The following BORA variants were observed in gnomAD, a reference collection of about 807,000 sequenced individuals.
BORA encodes the protein BORA aurora kinase A activator.
In BORA, 26 loss-of-function variants were observed where a neutral mutation model predicts 55.8. The observed-to-expected ratio is 0.47, with a 90% CI of 0.34 to 0.65. The LOEUF is 0.65. BORA is among the 30% of genes least tolerant of loss of function. The pLI is 0.01. For missense variants in BORA, 568 were observed against 671.5 expected (o/e 0.85, Z 1.70); for synonymous variants, 201 against 216.9 (o/e 0.93, Z 0.64).
At position 72,728,835 on chromosome 13, in the gene BORA, G is replaced by T. The variant is rs76335732; in HGVS notation, c.-15-91G>T. 3,042 of 1,185,716 alleles carry T rather than the reference G, an allele frequency of 2.6e-3. 76 individuals are homozygous for T. In the African/African-American group the frequency reaches 0.044, roughly 17 times the overall value. 73.4% of individuals were successfully genotyped at this position (1,185,716 alleles called of 1,614,324 possible). A position where few individuals can be genotyped will look rare whatever the true frequency, so the allele number is the denominator to read the frequency against. ...AGTGTGAGGTTTTGAGTTGTTTTTT[G>T]TGACACATTTGTCGAGTACATTTTA... On this transcript the variant is annotated intron_variant, in intron 1 of 11. Coordinates refer to ENST00000390667, the MANE Select transcript of BORA (RefSeq NM_024808.5).
In BORA at chr13:72,746,751, A is replaced by G. The variant is rs1179672307; in HGVS notation, c.1122A>G (p.Ser374=). The G allele has an allele frequency of 4.3e-6, 7 of 1,614,036 alleles. No homozygotes were observed. The African/African-American group carries it at 5.3e-5, about 12-fold the overall frequency. The change falls in exon 10 of 12, where the codon TCA becomes TCG. Residue 374 remains serine (S), a synonymous_variant. Coordinates refer to ENST00000390667, the MANE Select transcript of BORA (RefSeq NM_024808.5). ...DKENIPSTDV[S]SPAMDAAGIH... ...AGAATATTCCTTCCACAGATGTCTC[A>G]TCACCCGCCATGGATGCTGCTGGAA... is the stretch of plus-strand genomic sequence containing the variant.
intron 3 of BORA, among the ~76,000 whole-genome samples, chr13:72,734,243 A>C (rs1263604148): frequency 6.6e-6 from 1 of 152,224 alleles, no homozygotes; most frequent in Non-Finnish European, 1.5e-5. Context: ...ATTGTAAAAA[A>C]AAATATGTCT....
chr13:72,736,747 C>T (rs1009077947), intron 4 of BORA, among the ~76,000 whole-genome samples: 5 of 152,120 alleles, frequency 3.3e-5, no homozygotes, highest in Admixed American at 6.5e-5. Flanking sequence ...ATATTGCCCT[C>T]CTAAAAGGTT....
chr13:72,728,068 C>G (rs557749749), intron 1 of BORA, 61 bp downstream of exon 1: 1 of 1,548,522 alleles, frequency 6.5e-7, no homozygotes. Flanking sequence ...GGTTTCTTTT[C>G]CCAGCTCCTG....
chr13:72,736,112 C>CT (rs2032922074), intron 4 of BORA, among the ~76,000 whole-genome samples: 1 of 149,426 alleles, frequency 6.7e-6, no homozygotes, highest in African/African-American at 2.4e-5. Context: ...CTAGTAACTG[C>CT]ACAGTTTTCA....
intron 1 of BORA, 23 bp from the exon 2 acceptor site, chr13:72,728,902 TG>T: frequency 6.5e-7 from 1 of 1,540,380 alleles, no homozygotes; most frequent in Non-Finnish European, 8.7e-7. Context: ...AATTTTAACA[TG>T]CATACTCTTG....
At chr13:72,740,200 T>G (rs1331215637) in intron 5 of BORA, among the ~76,000 whole-genome samples, 4 of 152,168 alleles carry the variant, frequency 2.6e-5, no homozygotes, top group Non-Finnish European at 1.5e-5. Context: ...TTATAAGAAT[T>G]CACTGCACTG....
intron 10 of BORA, 91 bp downstream of exon 10, chr13:72,747,202 A>C (rs977823371): frequency 7.3e-7 from 1 of 1,365,384 alleles, no homozygotes; most frequent in East Asian, 2.3e-5. Context: ...ATAATGGATT[A>C]AACATGAGGA....
chr13:72,732,271 C>T (rs2032834641), intron 3 of BORA, among the ~76,000 whole-genome samples: 1 of 152,134 alleles, frequency 6.6e-6, no homozygotes, highest in South Asian at 2.1e-4. Flanking sequence ...CTTCTCTTTG[C>T]TTGGTAACAT....
At chr13:72,738,270 T>C (rs1469646018) in intron 5 of BORA, among the ~76,000 whole-genome samples, 1 of 152,154 alleles carries the variant, frequency 6.6e-6, no homozygotes, top group Non-Finnish European at 1.5e-5. Flanking sequence ...ATGACTATTG[T>C]GAATGTCAGT....
At position 72,731,331 on chromosome 13, in the gene BORA, T is replaced by G; in HGVS notation, c.204T>G (p.Pro68=). ...TTGATCAACTAGCTGTAATAAATCC[T>G]GTAGAAATAGACCCAGAAGATATTC... The part of the protein sequence containing the change: ...WSIDQLAVIN[P]VEIDPEDIHR... Residue 68 remains proline, a synonymous_variant, in exon 3 of 12, where the codon CCT becomes CCG. Transcript: ENST00000390667. 38 of 1,612,894 alleles carry G rather than the reference T, an allele frequency of 2.4e-5. No individual in the cohort carries two copies. The highest frequency in any genetic ancestry group is 3.2e-5 in the Non-Finnish European group (38 of 1,179,370).
chr13:72,735,334 G>A (rs1358718138), intron 4 of BORA, among the ~76,000 whole-genome samples: 1 of 152,100 alleles, frequency 6.6e-6, no homozygotes, highest in Admixed American at 6.6e-5. Flanking sequence ...CCTTCAAAAT[G>A]TTGATTAGCA....
chr13:72,744,888 T>C, intron 7 of BORA, 93 bp from the exon 8 acceptor site: 3 of 1,162,600 alleles, frequency 2.6e-6, no homozygotes, highest in South Asian at 1.4e-5. Flanking sequence ...AATTCAAACA[T>C]AGTGCATGCT....
Position 72,743,618 on chromosome 13 carries a change from A to G in BORA, c.454+16A>G, listed in dbSNP as rs745963019. The G allele has an allele frequency of 6.3e-7, 1 of 1,589,628 alleles. No homozygotes were observed. The highest frequency in any genetic ancestry group is 1.1e-5 in the South Asian group (1 of 89,006). On this transcript the variant is annotated intron_variant, in intron 6 of 11. Transcript: ENST00000390667. ...AAAAGCGATGGTGAGTATGAACACA[A>G]TTTGAAAAGAAGGATGTTCCATATT...
intron 11 of BORA, 35 bp from the exon 12 acceptor site, chr13:72,755,116 A>G: frequency 2.5e-6 from 4 of 1,596,248 alleles, no homozygotes; most frequent in Non-Finnish European, 3.4e-6. Context: ...GGTCCTACTT[A>G]AACTGAAAAC....
At chr13:72,731,050 A>G (rs957848670) in intron 2 of BORA, among the ~76,000 whole-genome samples, 2 of 152,176 alleles carry the variant, frequency 1.3e-5, no homozygotes, top group Non-Finnish European at 2.9e-5. Flanking sequence ...CCTCGGTGAC[A>G]GAACGAGACT....
rs2033130176 is a variant in BORA at position 72,745,911 on chromosome 13, T to C, written c.739-33T>C. The C allele has an allele frequency of 1.9e-6, 3 of 1,575,764 alleles. 1 individual carries two copies. The highest frequency in any genetic ancestry group is 2.3e-5 in the South Asian group (2 of 86,314). The stretch of plus-strand genomic sequence containing the variant: ...GCATAAGAGTTAAGGAAGAGAACCA[T>C]ATACATTTATTTACTATTTAATTTT... On this transcript the variant is annotated intron_variant, in intron 8 of 11. Coordinates refer to ENST00000390667, the MANE Select transcript of BORA (RefSeq NM_024808.5).
intron 6 of BORA, 75 bp downstream of exon 6, chr13:72,743,677 G>GT: frequency 9.5e-7 from 1 of 1,056,426 alleles, no homozygotes; most frequent in East Asian, 2.7e-5. Flanking sequence ...AGTTCAGGTA[G>GT]TAACACTTTA....
At chr13:72,729,530 C>T (rs1000368767) in intron 2 of BORA, among the ~76,000 whole-genome samples, 2 of 152,084 alleles carry the variant, frequency 1.3e-5, no homozygotes, top group Admixed American at 6.5e-5. Flanking sequence ...GGTTATACTC[C>T]GATGTATGGG....
Sources: allele counts gnomAD v4.1 joint callset (sites outside exome capture counted in the v4.1 genomes callset), GRCh38; gene constraint gnomAD v4.1.1; transcripts MANE v1.5; gene names NCBI Gene and HGNC (gene_info 2026-07-23, HGNC 2026-07-21).